The following TCF7L2 variants were observed in gnomAD, a reference collection of about 807,000 sequenced individuals.
TCF7L2 encodes transcription factor 7 like 2, also known as transcription factor 7-like 2.
In TCF7L2, 23 loss-of-function variants were observed where a neutral mutation model predicts 77.9. That is an observed-to-expected ratio of 0.30 (90% CI 0.21 to 0.42). The LOEUF is 0.42. Among genes scored for constraint, TCF7L2 ranks in the 10% least tolerant of loss-of-function variants. The pLI is 1.00. For missense variants in TCF7L2, 654 were observed against 793.1 expected (o/e 0.82, Z 2.11); for synonymous variants, 413 against 340.2 (o/e 1.21, Z -2.36).
chr10:113,023,143 C>T (rs115498748), intron 4 of TCF7L2, among the ~76,000 whole-genome samples: 2,367 of 152,222 alleles, frequency 0.016, 69 homozygotes, highest in African/African-American at 0.053. Flanking sequence ...TGTGAAGTGC[C>T]ATTCAAGACC....
rs79846439 is a variant in TCF7L2 at position 113,080,857 on chromosome 10, A to G, written c.552+40731A>G. ...TTGTCAGGAAACATATTAGCAGAAA[A>G]TAGTGTGTTATTATCTAATGCTGAT... On this transcript the variant is annotated intron_variant, in intron 5 of 13. Transcript: ENST00000627217. Among the ~76,000 whole-genome samples the G allele has an allele frequency of 2.4e-3, 369 of 152,292 alleles. 10 individuals are homozygous for G. In the East Asian group the frequency reaches 0.059, roughly 25 times the overall value.
At chr10:112,959,172 T>G (rs2034440628) in intron 3 of TCF7L2, among the ~76,000 whole-genome samples, 1 of 149,498 alleles carries the variant, frequency 6.7e-6, no homozygotes, top group South Asian at 2.1e-4. Context: ...AAGCTCAACT[T>G]TTTTTTTTTG....
intron 3 of TCF7L2, among the ~76,000 whole-genome samples, chr10:112,953,516 C>G (rs1199882957): frequency 6.6e-6 from 1 of 152,168 alleles, no homozygotes; most frequent in Non-Finnish European, 1.5e-5. Flanking sequence ...ATTTCTGCCT[C>G]TCCTCCCCTC....
At chr10:112,964,813 G>GGTGGTGGTGGT (rs1564719445) in intron 4 of TCF7L2, among the ~76,000 whole-genome samples, 189 bp downstream of exon 4, 6 of 98,434 alleles carry the variant, frequency 6.1e-5, no homozygotes, top group African/African-American at 4.2e-4. Flanking sequence ...TGGTGGTGGT[G>GGTGGTGGTGGT]GGGGGGGGTT....
chr10:112,972,678 C>T (rs1462596359), intron 4 of TCF7L2, among the ~76,000 whole-genome samples: 7 of 152,136 alleles, frequency 4.6e-5, no homozygotes, highest in African/African-American at 1.7e-4. Flanking sequence ...GCCATGTTGC[C>T]CAGGCTGGTC....
intron 13 of TCF7L2, chr10:113,161,252 C>T (rs1275003626): frequency 1.4e-5 from 5 of 366,484 alleles, no homozygotes; most frequent in South Asian, 4.7e-5. Flanking sequence ...GAAAAAGAAG[C>T]GTGGCATTGA....
At chr10:113,154,739 A>G (rs912856832) in intron 11 of TCF7L2, among the ~76,000 whole-genome samples, 8 of 152,106 alleles carry the variant, frequency 5.3e-5, no homozygotes, top group African/African-American at 1.9e-4. Context: ...AATTTGGAAG[A>G]TGGTTTGGTA....
intron 5 of TCF7L2, among the ~76,000 whole-genome samples, chr10:113,054,639 C>A (rs192737426): frequency 2.0e-5 from 3 of 152,270 alleles, no homozygotes; most frequent in African/African-American, 7.2e-5. Context: ...TACCTGCCAC[C>A]TAAAATAACA....
intron 11 of TCF7L2, among the ~76,000 whole-genome samples, chr10:113,157,474 C>T (rs2072179840): frequency 6.6e-6 from 1 of 152,318 alleles, no homozygotes; most frequent in South Asian, 2.1e-4. Context: ...CACCCTTTTC[C>T]CCTGCATCTT....
At chr10:112,998,456 T>C (rs2043895940) in intron 4 of TCF7L2, among the ~76,000 whole-genome samples, 1 of 152,180 alleles carries the variant, frequency 6.6e-6, no homozygotes, top group East Asian at 1.9e-4. Context: ...GTAATGCAGA[T>C]GTGATGAGAT....
intron 4 of TCF7L2, among the ~76,000 whole-genome samples, chr10:113,001,615 G>A (rs1476629429): frequency 6.6e-6 from 1 of 152,034 alleles, no homozygotes; most frequent in Admixed American, 6.6e-5. Context: ...TCTGGTTTAT[G>A]ACACAAAGAA....
intron 5 of TCF7L2, among the ~76,000 whole-genome samples, chr10:113,062,826 G>A (rs1458462629): frequency 6.6e-6 from 1 of 152,136 alleles, no homozygotes; most frequent in East Asian, 1.9e-4. Flanking sequence ...CTTAATAAAT[G>A]ACTGGGGGTT....
At chr10:112,977,132 A>AT (rs1205290038) in intron 4 of TCF7L2, among the ~76,000 whole-genome samples, 1 of 152,190 alleles carries the variant, frequency 6.6e-6, no homozygotes, top group Non-Finnish European at 1.5e-5. Flanking sequence ...GCACAGACAG[A>AT]TTCATTCTTT....
At chr10:113,012,396 C>A (rs1053504573) in intron 4 of TCF7L2, among the ~76,000 whole-genome samples, 1 of 152,024 alleles carries the variant, frequency 6.6e-6, no homozygotes, top group African/African-American at 2.4e-5. Context: ...TACTTTGTTA[C>A]GTGAGCAATA....
At chr10:113,023,446 T>C (rs2048562129) in intron 4 of TCF7L2, among the ~76,000 whole-genome samples, 1 of 152,184 alleles carries the variant, frequency 6.6e-6, no homozygotes. Flanking sequence ...GAGGGATATA[T>C]TTAAAATACC....
chr10:112,973,948 A>G (rs1276089755), intron 4 of TCF7L2, among the ~76,000 whole-genome samples: 1 of 152,050 alleles, frequency 6.6e-6, no homozygotes, highest in Non-Finnish European at 1.5e-5. Flanking sequence ...GATACAGTCC[A>G]TTTTAATAGG....
intron 4 of TCF7L2, among the ~76,000 whole-genome samples, chr10:113,010,056 C>T (rs1458996670): frequency 6.6e-6 from 1 of 151,722 alleles, no homozygotes; most frequent in African/African-American, 2.4e-5. Flanking sequence ...TGGAACACAC[C>T]TTTGGGGATT....
chr10:113,039,460 A>G (rs1455690419), intron 4 of TCF7L2, among the ~76,000 whole-genome samples: 1 of 152,218 alleles, frequency 6.6e-6, no homozygotes, highest in African/African-American at 2.4e-5. Flanking sequence ...AGTTTTGTTG[A>G]GTAAACTTGG....
At chr10:112,959,310 G>C (rs2034473497) in intron 3 of TCF7L2, among the ~76,000 whole-genome samples, 1 of 152,110 alleles carries the variant, frequency 6.6e-6, no homozygotes, top group Non-Finnish European at 1.5e-5. Context: ...CTCAGGCAAT[G>C]TTGCAAGTCA....
Sources: gnomAD v4.1 joint callset for allele counts (sites outside exome capture counted in the v4.1 genomes callset) on GRCh38, gnomAD v4.1.1 for gene constraint, MANE v1.5 for transcripts, NCBI Gene and HGNC (gene_info 2026-07-23, HGNC 2026-07-21) for gene names.